Variants in PPP2R5A observed in about 807,000 individuals in gnomAD.
PPP2R5A encodes protein phosphatase 2 regulatory subunit B'alpha.
A neutral mutation model predicts 64.2 loss-of-function variants in PPP2R5A; 25 were observed. The observed-to-expected ratio is 0.39, with a 90% CI of 0.28 to 0.54. The LOEUF (loss-of-function observed/expected upper bound fraction) is 0.54. Among genes scored for constraint, PPP2R5A ranks in the 20% least tolerant of loss-of-function variants. The pLI is 0.67. For synonymous variants in PPP2R5A, 198 were observed against 201.2 expected, an observed-to-expected ratio of 0.98 and a Z score of 0.13; for missense variants, 425 against 576.3, an observed-to-expected ratio of 0.74 and a Z score of 2.69.
chr1:212,302,984 T>A (rs564138578), intron 1 of PPP2R5A, among the ~76,000 whole-genome samples: 153 of 152,230 alleles, frequency 1.0e-3, no homozygotes, highest in Non-Finnish European at 1.8e-3. Flanking sequence ...GTTTTATTTA[T>A]CCATTCCTCA....
At chr1:212,308,589 A>T (rs775348838) in intron 1 of PPP2R5A, among the ~76,000 whole-genome samples, 33 of 151,870 alleles carry the variant, frequency 2.2e-4, no homozygotes, top group Non-Finnish European at 4.3e-4. Flanking sequence ...TTGTATTTTT[A>T]GTAGAGACAG....
chr1:212,321,313 G>A (rs570797729), intron 1 of PPP2R5A, among the ~76,000 whole-genome samples: 1,578 of 145,638 alleles, frequency 0.011, 15 homozygotes, highest in Middle Eastern at 0.039. Flanking sequence ...CTGGCCGGGC[G>A]AGGGGCTGAC....
intron 12 of PPP2R5A, among the ~76,000 whole-genome samples, 155 bp downstream of exon 12, chr1:212,358,942 A>G (rs1660033498): frequency 6.6e-6 from 1 of 152,252 alleles, no homozygotes; most frequent in Non-Finnish European, 1.5e-5. Flanking sequence ...CTCTTAACAT[A>G]TAAGTCATTT....
At chr1:212,329,719 T>A (rs1659466308) in intron 2 of PPP2R5A, among the ~76,000 whole-genome samples, 1 of 152,212 alleles carries the variant, frequency 6.6e-6, no homozygotes, top group Non-Finnish European at 1.5e-5. Flanking sequence ...CGATCTTGGC[T>A]CACTGCAACC....
intron 12 of PPP2R5A, among the ~76,000 whole-genome samples, chr1:212,359,924 T>C (rs138807763): frequency 6.6e-6 from 1 of 152,326 alleles, no homozygotes; most frequent in African/African-American, 2.4e-5. Flanking sequence ...CATCATTTCT[T>C]ACCTGCATAA....
chr1:212,308,572 C>T lies in PPP2R5A; in HGVS notation c.182-20563C>T, dbSNP rs369692061. 1.6e-3 allele frequency among the ~76,000 whole-genome samples: 249 copies of T among 152,100 alleles called. 2 individuals are homozygous for T. The South Asian group carries it at 0.025, about 15-fold the overall frequency. On this transcript the variant is annotated intron_variant, in intron 1 of 12. Coordinates refer to ENST00000261461, the MANE Select transcript of PPP2R5A (RefSeq NM_006243.4). ...TACAGGCACCTGCCACCATGCCCGG[C>T]TAATTTTTGTATTTTTAGTAGAGAC...
chr1:212,325,105 T>G (rs561445253), intron 1 of PPP2R5A, among the ~76,000 whole-genome samples: 1 of 152,114 alleles, frequency 6.6e-6, no homozygotes, highest in South Asian at 2.1e-4. Flanking sequence ...AAAAAAGAAA[T>G]AAAAAGGAAA....
chr1:212,345,307 T>C (rs1659756523), intron 4 of PPP2R5A, among the ~76,000 whole-genome samples: 1 of 152,218 alleles, frequency 6.6e-6, no homozygotes, highest in Non-Finnish European at 1.5e-5. Context: ...GTAACTGTCT[T>C]GAATTTATTG....
intron 1 of PPP2R5A, among the ~76,000 whole-genome samples, chr1:212,312,454 C>T (rs1310093358): frequency 6.6e-6 from 1 of 152,172 alleles, no homozygotes; most frequent in Non-Finnish European, 1.5e-5. Flanking sequence ...ATAAAAATGG[C>T]TGTTTTAAAC....
At chr1:212,324,860 C>T (rs1328860657) in intron 1 of PPP2R5A, among the ~76,000 whole-genome samples, 1 of 152,154 alleles carries the variant, frequency 6.6e-6, no homozygotes, top group Non-Finnish European at 1.5e-5. Context: ...CCACCTCGGC[C>T]TCCCAAAGTG....
chr1:212,294,142 T>A (rs1571572767), intron 1 of PPP2R5A, among the ~76,000 whole-genome samples: 1 of 152,174 alleles, frequency 6.6e-6, no homozygotes, highest in Non-Finnish European at 1.5e-5. Context: ...ACGCAGATTT[T>A]AAAAAATTGT....
chr1:212,315,610 C>G (rs1217441412), intron 1 of PPP2R5A, among the ~76,000 whole-genome samples: 1 of 152,148 alleles, frequency 6.6e-6, no homozygotes, highest in Non-Finnish European at 1.5e-5. Context: ...TTGAATGAGT[C>G]ATTGAAATAA....
At chr1:212,342,412 C>A in intron 4 of PPP2R5A, 132 bp downstream of exon 4, 1 of 1,206,488 alleles carries the variant, frequency 8.3e-7, no homozygotes, top group Admixed American at 3.1e-5. Context: ...ACTGCCAAAC[C>A]ATTAGAATAA....
At chr1:212,321,859 C>T (rs1032134139) in intron 1 of PPP2R5A, among the ~76,000 whole-genome samples, 1 of 150,194 alleles carries the variant, frequency 6.7e-6, no homozygotes, top group Non-Finnish European at 1.5e-5. Flanking sequence ...GAGGTTGTAG[C>T]GAGCCGAGAT....
chr1:212,360,682 TAGA>T lies in PPP2R5A; in HGVS notation c.1374_1376del (p.Glu460del). On this transcript the variant is annotated inframe_deletion, in exon 13 of 13. Transcript: ENST00000261461. Reference sequence around the variant, plus strand: ...GAACGTGAAGAATTATGGAAAAAATTAGAGGAGCTAAAGCTAAAGAAAGCTCTA... The same window carrying T: ...GAACGTGAAGAATTATGGAAAAAATTGGAGCTAAAGCTAAAGAAAGCTCTA... The T allele has an allele frequency of 6.3e-7, 1 of 1,593,670 alleles. No individual in the cohort carries two copies. The highest frequency in any genetic ancestry group is 8.5e-7 in the Non-Finnish European group (1 of 1,169,618).
At chr1:212,323,920 A>C (rs1659360506) in intron 1 of PPP2R5A, among the ~76,000 whole-genome samples, 1 of 151,968 alleles carries the variant, frequency 6.6e-6, no homozygotes. Flanking sequence ...AAAAATAGAA[A>C]AATTAGCCGG....
At chr1:212,337,298 C>T (rs1330341120) in intron 3 of PPP2R5A, among the ~76,000 whole-genome samples, 1 of 152,102 alleles carries the variant, frequency 6.6e-6, no homozygotes, top group Non-Finnish European at 1.5e-5. Flanking sequence ...GGCTGCTGTA[C>T]TAGCCTGGAA....
chr1:212,357,831 C>G (rs1660009363), intron 11 of PPP2R5A: 1 of 149,328 alleles, frequency 6.7e-6, no homozygotes, highest in South Asian at 2.2e-4. Context: ...GAGTCTTGCT[C>G]TGTTGCCCAG....
At chr1:212,317,568 G>A (rs1344777749) in intron 1 of PPP2R5A, among the ~76,000 whole-genome samples, 11 of 151,654 alleles carry the variant, frequency 7.3e-5, no homozygotes, top group Admixed American at 5.3e-4. Flanking sequence ...ATATCCTTAC[G>A]TGCAATACAC....
Sources: allele counts gnomAD v4.1 joint callset (sites outside exome capture counted in the v4.1 genomes callset), GRCh38; gene constraint gnomAD v4.1.1; transcripts MANE v1.5; gene names NCBI Gene and HGNC (gene_info 2026-07-23, HGNC 2026-07-21).